MALRD1: variants seen among roughly 807,000 people sequenced by gnomAD.
MALRD1 encodes MAM and LDL receptor class A domain containing 1.
In MALRD1, 247 loss-of-function variants were observed where a neutral mutation model predicts 242.1. The ratio of observed to expected loss-of-function variants is 1.02; its 90% CI spans 0.92 to 1.13. MALRD1 has a LOEUF of 1.13. MALRD1 is among the 50% of genes most tolerant of loss of function. The probability of loss-of-function intolerance (pLI) is 0.00; values close to 1 mark genes in which losing one functional copy is unlikely to be tolerated. For synonymous variants in MALRD1, 995 were observed against 866.6 expected, an observed-to-expected ratio of 1.15 and a Z score of -2.60; for missense variants, 2,989 against 2,533.1, an observed-to-expected ratio of 1.18 and a Z score of -3.86.
intron 18 of MALRD1, among the ~76,000 whole-genome samples, chr10:19,240,402 C>T (rs996121223): frequency 1.3e-5 from 2 of 151,916 alleles, no homozygotes; most frequent in African/African-American, 4.8e-5. Flanking sequence ...AGGGTTCTCA[C>T]TCTATATAAG....
At chr10:19,205,853 AG>A (rs1836758841) in intron 17 of MALRD1, among the ~76,000 whole-genome samples, 1 of 152,034 alleles carries the variant, frequency 6.6e-6, no homozygotes, top group South Asian at 2.1e-4. Context: ...ACCTAGCTCC[AG>A]AATTGCCCTC....
chr10:19,312,466 T>C (rs1346774396), intron 21 of MALRD1, among the ~76,000 whole-genome samples: 2 of 150,052 alleles, frequency 1.3e-5, no homozygotes, highest in Admixed American at 1.3e-4. Flanking sequence ...ATATGTATAA[T>C]GGCACAGAGG....
rs1156628645 is a variant in MALRD1, at chr10:19,607,935, A to G, written c.6070+33A>G. 2.6e-6 allele frequency: 4 copies of G among 1,545,950 alleles called. No individual in the cohort carries two copies. The African/African-American group carries it at 4.1e-5, about 16-fold the overall frequency. On this transcript the variant is annotated intron_variant, in intron 35 of 39. Coordinates refer to ENST00000454679, the MANE Select transcript of MALRD1 (RefSeq NM_001142308.3). The stretch of plus-strand genomic sequence containing the variant: ...ATTTCCATTCAGATATTCTTGTGAT[A>G]TGAACCAGCAACTTAACCTGCAACA...
At chr10:19,081,864 C>A (rs1835501960) in intron 2 of MALRD1, among the ~76,000 whole-genome samples, 1 of 151,900 alleles carries the variant, frequency 6.6e-6, no homozygotes, top group Non-Finnish European at 1.5e-5. Context: ...GTCTTTTATA[C>A]CCTTTTACTT....
chr10:19,323,836 C>T, intron 21 of MALRD1, 113 bp from the exon 22 acceptor site: 1 of 901,040 alleles, frequency 1.1e-6, no homozygotes, highest in Non-Finnish European at 1.7e-6. Flanking sequence ...GTCTCGAACT[C>T]CTGACTGCAG....
chr10:19,483,610 A>C (rs1344974442), intron 29 of MALRD1, among the ~76,000 whole-genome samples: 2 of 152,174 alleles, frequency 1.3e-5, no homozygotes, highest in Non-Finnish European at 2.9e-5. Flanking sequence ...CACATCAGTC[A>C]GAATGGTTAC....
rs941511687 is a variant in MALRD1 at position 19,155,338 on chromosome 10, C to G, written c.1656+166C>G. ...CAAAATGCTACGTCCTTCTAGAATA[C>G]CATTTGTAACACATAACTGGCACCA... On this transcript the variant is annotated intron_variant, in intron 12 of 39. Transcript: ENST00000454679. Among the ~76,000 whole-genome samples the G allele has an allele frequency of 9.2e-5, 14 of 152,170 alleles. 1 individual carries two copies. The highest frequency in any genetic ancestry group is 3.4e-4 in the African/African-American group (14 of 41,434).
chr10:19,476,515 C>G (rs1488019106), intron 29 of MALRD1, among the ~76,000 whole-genome samples: 1 of 152,042 alleles, frequency 6.6e-6, no homozygotes, highest in African/African-American at 2.4e-5. Flanking sequence ...GGTCCATAAT[C>G]TACTTCAGAG....
At chr10:19,229,729 A>C (rs974545197) in intron 18 of MALRD1, among the ~76,000 whole-genome samples, 2 of 152,172 alleles carry the variant, frequency 1.3e-5, no homozygotes, top group African/African-American at 4.8e-5. Flanking sequence ...GTCTGTGGTC[A>C]CCAATGCATT....
intron 32 of MALRD1, among the ~76,000 whole-genome samples, chr10:19,546,990 T>C (rs539832565): frequency 6.6e-6 from 1 of 152,204 alleles, no homozygotes; most frequent in Non-Finnish European, 1.5e-5. Context: ...CTGTTTGCTG[T>C]CTTGCAGTAT....
intron 21 of MALRD1, among the ~76,000 whole-genome samples, chr10:19,315,183 T>C (rs1842608799): frequency 7.6e-6 from 1 of 130,988 alleles, no homozygotes; most frequent in Non-Finnish European, 1.6e-5. Flanking sequence ...TATATAAATA[T>C]ATAAATATAA....
Position 19,200,872 on chromosome 10 carries a change from C to T in MALRD1, c.1952-2856C>T, listed in dbSNP as rs1362425072. 3.3e-5 allele frequency among the ~76,000 whole-genome samples: 5 copies of T among 151,866 alleles called. No individual in the cohort carries two copies. In the East Asian group the frequency reaches 7.8e-4, roughly 24 times the overall value. On this transcript the variant is annotated intron_variant, in intron 14 of 39. Transcript: ENST00000454679. Reference sequence around the variant, plus strand: ...CTAAAAGCTGCTGTAGAATCATTAGCTTTTTAATCTATAGCCATAGTACAG... The same window carrying T: ...CTAAAAGCTGCTGTAGAATCATTAGTTTTTTAATCTATAGCCATAGTACAG...
At chr10:19,488,668 T>C (rs942422111) in intron 29 of MALRD1, 1 of 189,378 alleles carries the variant, frequency 5.3e-6, no homozygotes, top group Admixed American at 5.4e-5. Context: ...TATAGAACAA[T>C]TGCAGGTACT....
intron 33 of MALRD1, among the ~76,000 whole-genome samples, chr10:19,588,658 G>A (rs758740369): frequency 6.6e-6 from 1 of 152,048 alleles, no homozygotes; most frequent in Non-Finnish European, 1.5e-5. Context: ...ACTCATGTAT[G>A]TAGAGACGGA....
rs1278875223 is a variant in MALRD1 at position 19,734,310 on chromosome 10, C to T, written c.*73C>T. On this transcript the variant is annotated 3_prime_UTR_variant, in exon 40 of 40. Transcript: ENST00000454679. ...TGAAGTCTCCACAATCTGATAGAAA[C>T]TCATCTTCTACAATGGTAAAAAGAG... 2.5e-6 allele frequency: 3 copies of T among 1,201,948 alleles called. No individual in the cohort carries two copies. The highest frequency in any genetic ancestry group is 3.5e-6 in the Non-Finnish European group (3 of 852,482). The allele number at this position is 1,201,948 out of a possible 1,614,324, so 74.5% of individuals were successfully genotyped here. A position where few individuals can be genotyped will look rare whatever the true frequency, so the allele number is the denominator to read the frequency against.
chr10:19,098,518 C>T lies in MALRD1; in HGVS notation c.598-5461C>T, dbSNP rs544314172. Among the ~76,000 whole-genome samples the T allele has an allele frequency of 7.9e-5, 12 of 152,148 alleles. No individual in the cohort carries two copies. The South Asian group carries it at 2.5e-3, about 32-fold the overall frequency. On this transcript the variant is annotated intron_variant, in intron 4 of 39. Transcript: ENST00000454679. ...ATCCGAGGTATTTTCCCTTTTAATT[C>T]AATAATATTTATGATAACATATGAT...
At chr10:19,563,061 T>G (rs1836070568) in intron 32 of MALRD1, among the ~76,000 whole-genome samples, 1 of 152,218 alleles carries the variant, frequency 6.6e-6, no homozygotes, top group African/African-American at 2.4e-5. Context: ...GGATCAATGA[T>G]TTCCAGTTCC....
At chr10:19,450,931 G>A (rs1416778432) in intron 29 of MALRD1, among the ~76,000 whole-genome samples, 1 of 152,144 alleles carries the variant, frequency 6.6e-6, no homozygotes, top group Non-Finnish European at 1.5e-5. Context: ...TGAGGGCTCT[G>A]CCCTCATGAC....
intron 24 of MALRD1, among the ~76,000 whole-genome samples, chr10:19,341,566 T>TAAAAC (rs1843878727): frequency 8.7e-6 from 1 of 115,048 alleles, no homozygotes; most frequent in African/African-American, 3.6e-5. Context: ...ACGTATTTTA[T>TAAAAC]ACATACATGT....
Sources: allele counts gnomAD v4.1 joint callset (sites outside exome capture counted in the v4.1 genomes callset), GRCh38; gene constraint gnomAD v4.1.1; transcripts MANE v1.5; gene names NCBI Gene and HGNC (gene_info 2026-07-23, HGNC 2026-07-21).